ENDOD1: variants seen among roughly 807,000 people sequenced by gnomAD.
The protein encoded by ENDOD1 is endonuclease domain-containing 1 protein.
A neutral mutation model predicts 6.5 loss-of-function variants in ENDOD1; 9 were observed. The observed-to-expected ratio is 1.39, with a 90% CI of 0.84 to 2.43. ENDOD1 has a LOEUF of 2.43. Among genes scored for constraint, ENDOD1 ranks in the 30% most tolerant of loss-of-function variants. ENDOD1 has a pLI of 0.00. For synonymous variants in ENDOD1, 255 were observed against 255.2 expected (o/e 1.00, Z 0.01); for missense variants, 648 against 635.5 (o/e 1.02, Z -0.21).
rs1386224135 is a variant in ENDOD1, at chr11:95,129,090, A to G, written c.1014A>G (p.Pro338=). 1 of 1,613,962 alleles carries G rather than the reference A, an allele frequency of 6.2e-7. No homozygotes were observed. Among genetic ancestry groups the G allele is most frequent in the Non-Finnish European group, 8.5e-7 (1 of 1,180,038 alleles). The change falls in exon 2 of 2, where the codon CCA becomes CCG. Residue 338 remains proline (P), a synonymous_variant. Transcript: ENST00000278505. ...LGKLMGFIAT[P]FIKLFQLIYY... The stretch of plus-strand genomic sequence containing the variant: ...AACTCATGGGCTTCATTGCTACCCC[A>G]TTCATCAAGCTTTTTCAATTAATTT...
Position 95,110,986 on chromosome 11 carries a change from G to A in ENDOD1, c.301-17391G>A, listed in dbSNP as rs78964544. On this transcript the variant is annotated intron_variant, in intron 1 of 1. Transcript: ENST00000278505. ...TGAAGATGACATGATTCTAGCTCTAGAGAAGTTGAGAAAAGAGTGCTTGGG... is the reference window on the plus strand; with the variant it reads ...TGAAGATGACATGATTCTAGCTCTAAAGAAGTTGAGAAAAGAGTGCTTGGG... 2.0e-5 allele frequency among the ~76,000 whole-genome samples: 3 copies of A among 152,242 alleles called. No homozygotes were observed. The East Asian group carries it at 5.8e-4, about 29-fold the overall frequency.
intron 1 of ENDOD1, among the ~76,000 whole-genome samples, chr11:95,115,514 T>C (rs1486147240): frequency 3.9e-5 from 6 of 152,188 alleles, no homozygotes; most frequent in Non-Finnish European, 7.4e-5. Flanking sequence ...CTGATTGCTC[T>C]AGCTAAAACT....
intron 1 of ENDOD1, among the ~76,000 whole-genome samples, chr11:95,113,465 T>G (rs188154395): frequency 1.3e-5 from 2 of 152,320 alleles, no homozygotes. Flanking sequence ...TTATTTTGAT[T>G]TTTAGATCCC....
rs780609616 is a variant in ENDOD1 at position 95,128,736 on chromosome 11, G to A, written c.660G>A (p.Trp220Ter). Residue 220 changes from tryptophan (W) to a stop codon, truncating the protein, a stop_gained, in exon 2 of 2, where the codon TGG becomes TGA. Transcript: ENST00000278505. LOFTEE classifies it low-confidence loss of function (END_TRUNC). Reference protein sequence around the residue: ...KDKVAVPEFVWLAACCAVPGG... With the variant: ...KDKVAVPEFV ...AAGTGGCAGTCCCTGAGTTTGTTTG[G>A]CTGGCAGCCTGTTGTGCTGTCCCTG... The A allele has an allele frequency of 1.9e-6, 3 of 1,614,184 alleles. No individual in the cohort carries two copies. The highest frequency in any genetic ancestry group is 2.5e-6 in the Non-Finnish European group (3 of 1,180,030).
At position 95,090,043 on chromosome 11, in the gene ENDOD1, A is replaced by G. The variant is rs1858910947; in HGVS notation, c.116A>G (p.Tyr39Cys). 1 of 1,600,370 alleles carries G rather than the reference A, an allele frequency of 6.2e-7. No homozygotes were observed. The highest frequency in any genetic ancestry group is 8.5e-7 in the Non-Finnish European group (1 of 1,174,882). ...AGFGECDKFF[Y>C]AGTPPAGLAA... ...TTTGGCGAATGTGACAAGTTCTTCT[A>G]CGCCGGGACCCCGCCTGCGGGGCTG... The change falls in exon 1 of 2, where the codon TAC (tyrosine) becomes TGC (cysteine). Residue 39 changes from tyrosine to cysteine, a missense_variant. Physicochemically the swap from Tyr to Cys is radical, Grantham distance 194. Coordinates refer to ENST00000278505, the MANE Select transcript of ENDOD1 (RefSeq NM_015036.3).
rs1021630574 is a variant in ENDOD1 at position 95,130,859 on chromosome 11, C to A, written c.*1280C>A. The A allele has an allele frequency of 1.3e-5, 2 of 152,154 alleles. No homozygotes were observed. The highest frequency in any genetic ancestry group is 4.8e-5 in the African/African-American group (2 of 41,426). 9.4% of individuals were successfully genotyped at this position (152,154 alleles called of 1,614,324 possible). On this transcript the variant is annotated 3_prime_UTR_variant, in exon 2 of 2. Transcript: ENST00000278505. ...ACTAAAAAATGGTAACAAGAGGGAC[C>A]AAACTTTGCTTCCCACAATTGGGAT...
chr11:95,097,835 A>C (rs186331856), intron 1 of ENDOD1, among the ~76,000 whole-genome samples: 19 of 152,358 alleles, frequency 1.2e-4, no homozygotes, highest in Admixed American at 6.5e-4. Context: ...CTGAATAATC[A>C]GAAGAATGGA....
chr11:95,107,021 T>C (rs1448585291), intron 1 of ENDOD1, among the ~76,000 whole-genome samples: 1 of 151,992 alleles, frequency 6.6e-6, no homozygotes, highest in Non-Finnish European at 1.5e-5. Context: ...ACATCACTAA[T>C]TTCCTGCAGT....
chr11:95,107,837 A>G (rs1239295690), intron 1 of ENDOD1, among the ~76,000 whole-genome samples: 1 of 151,720 alleles, frequency 6.6e-6, no homozygotes, highest in Non-Finnish European at 1.5e-5. Flanking sequence ...ATTTTTTTGT[A>G]TTTTTCATAG....
intron 1 of ENDOD1, among the ~76,000 whole-genome samples, chr11:95,100,865 G>GTTTTT (rs34680715): frequency 0.013 from 909 of 72,156 alleles, 30 homozygotes; most frequent in Non-Finnish European, 0.016. Context: ...CCTGCTGGGT[G>GTTTTT]TTTTTTTTTT....
At chr11:95,105,612 T>A (rs146459080) in intron 1 of ENDOD1, among the ~76,000 whole-genome samples, 2 of 152,220 alleles carry the variant, frequency 1.3e-5, no homozygotes, top group African/African-American at 4.8e-5. Flanking sequence ...ATTTTTCCCC[T>A]CCCTGTGTCC....
Position 95,095,974 on chromosome 11 carries a change from A to T in ENDOD1, c.300+5747A>T, listed in dbSNP as rs184696349. 2.6e-5 allele frequency among the ~76,000 whole-genome samples: 4 copies of T among 152,284 alleles called. No homozygotes were observed. In the East Asian group the frequency reaches 7.7e-4, roughly 29 times the overall value. On this transcript the variant is annotated intron_variant, in intron 1 of 1. Transcript: ENST00000278505. ...AGTTCTTTGGATGGTTTATGGTTTCACTACTAACATACCATTCTGTATGTA... is the reference window on the plus strand; with the variant it reads ...AGTTCTTTGGATGGTTTATGGTTTCTCTACTAACATACCATTCTGTATGTA...
intron 1 of ENDOD1, among the ~76,000 whole-genome samples, chr11:95,097,655 G>A (rs1555110453): frequency 6.6e-6 from 1 of 152,170 alleles, no homozygotes; most frequent in African/African-American, 2.4e-5. Flanking sequence ...ATAGACATGT[G>A]GTGTTAAGGG....
At chr11:95,123,145 G>T (rs1339286594) in intron 1 of ENDOD1, among the ~76,000 whole-genome samples, 2 of 150,360 alleles carry the variant, frequency 1.3e-5, no homozygotes, top group Admixed American at 1.3e-4. Context: ...GCCAATATCA[G>T]GCCACTGCAC....
Position 95,128,660 on chromosome 11 carries a change from A to G in ENDOD1, c.584A>G (p.Asp195Gly). ...ACCCCACAGTGTGGCAGTGGGGAAG[A>G]CCTATATATCCTCACAGGCACAGTG... ...ALTPQCGSGE[D>G]LYILTGTVPS... Residue 195 changes from aspartate (D) to glycine (G), a missense_variant, in exon 2 of 2, where the codon GAC becomes GGC. Asp to Gly is a moderately conservative substitution (Grantham distance 94). Coordinates refer to ENST00000278505, the MANE Select transcript of ENDOD1 (RefSeq NM_015036.3). The G allele has an allele frequency of 6.2e-7, 1 of 1,614,134 alleles. No homozygotes were observed.
intron 1 of ENDOD1, among the ~76,000 whole-genome samples, chr11:95,108,524 C>T (rs1480894146): frequency 6.7e-6 from 1 of 149,722 alleles, no homozygotes; most frequent in Non-Finnish European, 1.5e-5. Context: ...CACACACACA[C>T]ACAGACACCC....
At chr11:95,092,037 A>C (rs1475497864) in intron 1 of ENDOD1, among the ~76,000 whole-genome samples, 1 of 152,192 alleles carries the variant, frequency 6.6e-6, no homozygotes, top group African/African-American at 2.4e-5. Context: ...AAGGTGAACA[A>C]AGTCCTATTA....
chr11:95,113,722 A>G (rs1202065278), intron 1 of ENDOD1, among the ~76,000 whole-genome samples: 1 of 152,218 alleles, frequency 6.6e-6, no homozygotes, highest in Non-Finnish European at 1.5e-5. Context: ...AAGTGCAGGT[A>G]TCTCTTCGAT....
chr11:95,109,425 A>G (rs574169582), intron 1 of ENDOD1, among the ~76,000 whole-genome samples: 2 of 152,238 alleles, frequency 1.3e-5, no homozygotes, highest in Non-Finnish European at 2.9e-5. Flanking sequence ...GCATCAGAAG[A>G]TTGTTGTGGA....
Sources: gnomAD v4.1 joint callset for allele counts (sites outside exome capture counted in the v4.1 genomes callset) on GRCh38, gnomAD v4.1.1 for gene constraint, MANE v1.5 for transcripts, NCBI Gene and HGNC (gene_info 2026-07-23, HGNC 2026-07-21) for gene names.